GPC6: variants seen among roughly 807,000 people sequenced by gnomAD.
GPC6 encodes the protein glypican 6, also known as glypican-6.
A neutral mutation model predicts 55.2 loss-of-function variants in GPC6; 14 were observed. The observed-to-expected ratio is 0.25, with a 90% CI of 0.17 to 0.40. The LOEUF (loss-of-function observed/expected upper bound fraction) is 0.40, where lower values mean the gene tolerates loss of function less well. Ranked by LOEUF, GPC6 falls within the 10% of genes least tolerant of loss-of-function variation. The pLI is 1.00. For missense variants in GPC6, 641 were observed against 708.5 expected (o/e 0.90, Z 1.08); for synonymous variants, 278 against 259.6 (o/e 1.07, Z -0.68).
At chr13:93,924,082 GCT>G (rs1877719171) in intron 3 of GPC6, among the ~76,000 whole-genome samples, 1 of 152,210 alleles carries the variant, frequency 6.6e-6, no homozygotes, top group Non-Finnish European at 1.5e-5. Flanking sequence ...TTTCTGCATT[GCT>G]GATTAGTCTA....
chr13:93,397,386 G>T (rs561299660), intron 1 of GPC6, among the ~76,000 whole-genome samples: 1 of 152,170 alleles, frequency 6.6e-6, no homozygotes, highest in East Asian at 1.9e-4. Context: ...TTTTTATTTA[G>T]ATTTCCCTAA....
intron 4 of GPC6, among the ~76,000 whole-genome samples, chr13:94,262,143 A>G (rs1296405662): frequency 3.3e-5 from 5 of 152,142 alleles, no homozygotes; most frequent in Non-Finnish European, 7.4e-5. Flanking sequence ...GAAATGTTTC[A>G]GCACAGAGCT....
At chr13:93,437,473 A>G (rs1349251400) in intron 1 of GPC6, among the ~76,000 whole-genome samples, 1 of 152,224 alleles carries the variant, frequency 6.6e-6, no homozygotes, top group Non-Finnish European at 1.5e-5. Flanking sequence ...CACACACATG[A>G]TAAGAAAGTG....
At chr13:93,918,532 A>G (rs1877405061) in intron 3 of GPC6, among the ~76,000 whole-genome samples, 1 of 152,188 alleles carries the variant, frequency 6.6e-6, no homozygotes, top group African/African-American at 2.4e-5. Flanking sequence ...GTATTCTCCA[A>G]TGTCCCACAT....
At chr13:94,269,541 C>G (rs1038038660) in intron 4 of GPC6, among the ~76,000 whole-genome samples, 2 of 152,176 alleles carry the variant, frequency 1.3e-5, no homozygotes, top group South Asian at 4.1e-4. Flanking sequence ...GTCCTTCTGT[C>G]TTTTTAATCA....
chr13:94,204,900 A>G (rs369298153), intron 4 of GPC6, among the ~76,000 whole-genome samples: 10 of 152,294 alleles, frequency 6.6e-5, no homozygotes, highest in African/African-American at 7.2e-5. Flanking sequence ...ACTTTTCTCA[A>G]TGTATGAGCC....
In GPC6 at chr13:94,365,339, C is replaced by T. The variant is rs9561545; in HGVS notation, c.1153-17075C>T. On this transcript the variant is annotated intron_variant, in intron 6 of 8. Coordinates refer to ENST00000377047, the MANE Select transcript of GPC6 (RefSeq NM_005708.5). ...TTCTTAGACATATTTATTAGTATCT[C>T]ATCCTATTGTTCCTAGAATTCCCTT... is the stretch of plus-strand genomic sequence containing the variant. 8.5e-5 allele frequency among the ~76,000 whole-genome samples: 13 copies of T among 152,080 alleles called. No homozygotes were observed. The South Asian group carries it at 2.7e-3, about 32-fold the overall frequency.
At chr13:93,321,095 A>G (rs1442539348) in intron 1 of GPC6, among the ~76,000 whole-genome samples, 2 of 151,802 alleles carry the variant, frequency 1.3e-5, no homozygotes, top group Non-Finnish European at 2.9e-5. Context: ...GTTATAATGG[A>G]CAGTCTATTT....
intron 1 of GPC6, among the ~76,000 whole-genome samples, chr13:93,428,621 A>G (rs532515952): frequency 6.6e-6 from 1 of 152,250 alleles, no homozygotes; most frequent in South Asian, 2.1e-4. Flanking sequence ...AGAGTGCTGT[A>G]CCTACTACTT....
rs1251225383 is a variant in GPC6, at chr13:93,898,966, T to TATATATATATATAC, written c.711+68422_711+68423insTATATATATATACA. 7.3e-5 allele frequency among the ~76,000 whole-genome samples: 10 copies of TATATATATATATAC among 137,090 alleles called. No individual in the cohort carries two copies. The East Asian group carries it at 1.8e-3, about 25-fold the overall frequency. 89.9% of individuals were successfully genotyped at this position (137,090 alleles called of 152,430 possible). On this transcript the variant is annotated intron_variant, in intron 3 of 8. Coordinates refer to ENST00000377047, the MANE Select transcript of GPC6 (RefSeq NM_005708.5). ...ATATATATATATATATATATATATATACACACACATATATATACATACATC... is the reference window on the plus strand; with the variant it reads ...ATATATATATATATATATATATATATATATATATATATACACACACACATATATATACATACATC...
At position 93,783,966 on chromosome 13, in the gene GPC6, C is replaced by T. The variant is rs7990218; in HGVS notation, c.320-46188C>T. ...AAAAAATAAAAGGTAGAGATTATAA[C>T]GTCATGTAATATGTAGTTATAAAAT... On this transcript the variant is annotated intron_variant, in intron 2 of 8. Coordinates refer to ENST00000377047, the MANE Select transcript of GPC6 (RefSeq NM_005708.5). Among the ~76,000 whole-genome samples, 563 of 152,224 alleles carry T rather than the reference C, an allele frequency of 3.7e-3. 4 individuals are homozygous for T. The highest frequency in any genetic ancestry group is 0.013 in the African/African-American group (533 of 41,552).
chr13:94,067,534 G>A (rs984005324), intron 4 of GPC6, among the ~76,000 whole-genome samples: 1 of 151,812 alleles, frequency 6.6e-6, no homozygotes, highest in African/African-American at 2.4e-5. Context: ...AATATGGGGT[G>A]TGCTTAATAT....
At chr13:93,287,955 G>C (rs935941100) in intron 1 of GPC6, among the ~76,000 whole-genome samples, 1 of 152,190 alleles carries the variant, frequency 6.6e-6, no homozygotes, top group Non-Finnish European at 1.5e-5. Context: ...AACGTGATTT[G>C]CTCCTAAGCA....
rs571331688 is a variant in GPC6 at position 93,540,045 on chromosome 13, T to C, written c.161-5218T>C. ...CTTGTTTTCTGTGCTTAGACGAAAC[T>C]ATGAAGTGGCCTTACTTGGTCGATT... On this transcript the variant is annotated intron_variant, in intron 1 of 8. Transcript: ENST00000377047. Among the ~76,000 whole-genome samples the C allele has an allele frequency of 2.2e-4, 33 of 152,274 alleles. 1 individual carries two copies. In the South Asian group the frequency reaches 6.0e-3, roughly 28 times the overall value.
chr13:93,720,223 C>G (rs1397421589), intron 2 of GPC6, among the ~76,000 whole-genome samples: 1 of 148,654 alleles, frequency 6.7e-6, no homozygotes, highest in Non-Finnish European at 1.5e-5. Flanking sequence ...GGTTGGTAGG[C>G]TATTACTGCC....
chr13:94,002,314 G>C (rs1032659997), intron 3 of GPC6, among the ~76,000 whole-genome samples: 3 of 152,080 alleles, frequency 2.0e-5, no homozygotes, highest in Non-Finnish European at 2.9e-5. Flanking sequence ...AACTTGGTCA[G>C]CTCAATTTTC....
At chr13:94,117,283 G>A (rs1411058143) in intron 4 of GPC6, among the ~76,000 whole-genome samples, 1 of 151,994 alleles carries the variant, frequency 6.6e-6, no homozygotes, top group South Asian at 2.1e-4. Context: ...GAAACCCAGG[G>A]CTTAATTATA....
At chr13:93,339,749 A>G (rs1880174688) in intron 1 of GPC6, among the ~76,000 whole-genome samples, 2 of 152,196 alleles carry the variant, frequency 1.3e-5, no homozygotes, top group Non-Finnish European at 2.9e-5. Context: ...TGACTACCAG[A>G]ATGTCCTGCA....
intron 2 of GPC6, among the ~76,000 whole-genome samples, chr13:93,813,830 C>T (rs1166338449): frequency 2.6e-5 from 4 of 151,448 alleles, no homozygotes; most frequent in Non-Finnish European, 4.4e-5. Flanking sequence ...AACTTTTATA[C>T]TACCTTGCAA....
Sources: gnomAD v4.1 joint callset for allele counts (sites outside exome capture counted in the v4.1 genomes callset) on GRCh38, gnomAD v4.1.1 for gene constraint, MANE v1.5 for transcripts, NCBI Gene and HGNC (gene_info 2026-07-23, HGNC 2026-07-21) for gene names.